The following ADCY5 variants were observed in gnomAD, a reference collection of about 807,000 sequenced individuals.
ADCY5 encodes the protein adenylate cyclase type 5.
In ADCY5, 30 loss-of-function variants were observed where a neutral mutation model predicts 119.7. The ratio of observed to expected loss-of-function variants is 0.25; its 90% CI spans 0.19 to 0.34. The LOEUF (loss-of-function observed/expected upper bound fraction) is 0.34, where lower values mean the gene tolerates loss of function less well. Ranked by LOEUF, ADCY5 falls within the 10% of genes least tolerant of loss-of-function variation. The pLI is 1.00. For missense variants in ADCY5, 1,324 were observed against 1,775.2 expected, an observed-to-expected ratio of 0.75 and a Z score of 4.57; for synonymous variants, 753 against 762.2, an observed-to-expected ratio of 0.99 and a Z score of 0.20.
At chr3:123,357,340 C>G (rs1027627168) in intron 1 of ADCY5, among the ~76,000 whole-genome samples, 7 of 151,888 alleles carry the variant, frequency 4.6e-5, no homozygotes, top group Admixed American at 6.6e-5. Flanking sequence ...CTTTCTGAGG[C>G]CAGAAAGAGA....
chr3:123,322,528 G>A (rs1941272815), intron 8 of ADCY5, among the ~76,000 whole-genome samples: 1 of 152,118 alleles, frequency 6.6e-6, no homozygotes. Flanking sequence ...ACAAACCATG[G>A]CAGGGGGGCC....
intron 1 of ADCY5, chr3:123,416,158 AGGCCTGAGGT>A: frequency 6.5e-7 from 1 of 1,535,872 alleles, no homozygotes; most frequent in Non-Finnish European, 8.7e-7. Context: ...GTAGTGTGGG[AGGCCTGAGGT>A]GGCCATGACA....
At position 123,448,499 on chromosome 3, in the gene ADCY5, T is replaced by G; in HGVS notation, c.47A>C (p.Lys16Thr). ...TCCCCGGGGCGCCGGCGCCGCAGTC[T>G]TCTGCGCCGCGTAGCCCGGGGGGCT... ...SVSPPGYAAQ[K>T]TAAPAPRGGP... The change falls in exon 1 of 21, where the codon AAG becomes ACG. Residue 16 changes from lysine to threonine, a missense_variant. Around this residue, in one of 6 missense-constraint regions of ADCY5, gnomAD observed 585 missense variants for 569.9 expected, o/e 1.03. Coordinates refer to ENST00000462833, the MANE Select transcript of ADCY5 (RefSeq NM_183357.3). 1 of 1,272,188 alleles carries G rather than the reference T, an allele frequency of 7.9e-7. No individual in the cohort carries two copies. The highest frequency in any genetic ancestry group is 2.7e-5 in the South Asian group (1 of 37,406). The allele number at this position is 1,272,188 out of a possible 1,614,324, so 78.8% of individuals were successfully genotyped here. A position where few individuals can be genotyped will look rare whatever the true frequency, so the allele number is the denominator to read the frequency against.
chr3:123,297,581 T>C lies in ADCY5; in HGVS notation c.2901-199A>G, dbSNP rs534401320. The stretch of plus-strand genomic sequence containing the variant: ...AAGCCCAGCCCCAACTAGCATTGGA[T>C]ACTCATGACCACAAACCACCCAGCT... On this transcript the variant is annotated intron_variant, in intron 15 of 20. Transcript: ENST00000462833. Among the ~76,000 whole-genome samples the C allele has an allele frequency of 7.2e-5, 11 of 152,330 alleles. No homozygotes were observed. In the East Asian group the frequency reaches 2.1e-3, roughly 29 times the overall value.
intron 3 of ADCY5, among the ~76,000 whole-genome samples, chr3:123,336,975 T>C (rs544124033): frequency 2.0e-5 from 3 of 152,254 alleles, no homozygotes; most frequent in East Asian, 3.9e-4. Context: ...CTGCTGTTGA[T>C]TGTCTTTTTC....
intron 4 of ADCY5, among the ~76,000 whole-genome samples, chr3:123,331,914 G>A (rs148621166): frequency 3.9e-5 from 6 of 152,268 alleles, no homozygotes; most frequent in East Asian, 1.9e-4. Context: ...CCGGCCTGGC[G>A]TCCTGTGTGG....
In ADCY5 at chr3:123,318,057, G is replaced by A; in HGVS notation, c.2317C>T (p.Leu773Phe). 6.2e-7 allele frequency: 1 copy of A among 1,613,950 alleles called. No homozygotes were observed. The highest frequency in any genetic ancestry group is 8.5e-7 in the Non-Finnish European group (1 of 1,179,966). ...AYVACASLVF[L>F]FICFVQITIV... ...GTGATCTGGACAAAGCAGATGAAGA[G>A]GAAGACGAGCGAGGCACACGCCACA... is the stretch of plus-strand genomic sequence containing the variant. The change falls in exon 11 of 21, where the codon CTC becomes TTC. Residue 773 changes from leucine to phenylalanine, a missense_variant. This residue lies in a region of ADCY5 where 424 missense variants were observed against 546.8 expected (regional missense o/e 0.78). Coordinates refer to ENST00000462833, the MANE Select transcript of ADCY5 (RefSeq NM_183357.3).
intron 17 of ADCY5, 77 bp downstream of exon 17, chr3:123,296,007 C>T (rs1939476897): frequency 4.4e-6 from 7 of 1,575,844 alleles, no homozygotes; most frequent in Non-Finnish European, 5.2e-6. Flanking sequence ...TTGGCCTGGC[C>T]CAGCAGACGA....
At chr3:123,344,559 T>C (rs1355905496) in intron 3 of ADCY5, among the ~76,000 whole-genome samples, 5 of 152,170 alleles carry the variant, frequency 3.3e-5, no homozygotes, top group African/African-American at 9.7e-5. Context: ...GCTCAATGCT[T>C]GTAACTTGTC....
chr3:123,322,167 G>A (rs927974233), intron 8 of ADCY5, among the ~76,000 whole-genome samples: 1 of 152,352 alleles, frequency 6.6e-6, no homozygotes, highest in East Asian at 1.9e-4. Flanking sequence ...CAGAGAGCTG[G>A]ACAGGCGAGC....
Position 123,426,307 on chromosome 3 carries a change from T to TTG in ADCY5, c.1134+21104_1134+21105insCA, listed in dbSNP as rs1553748976. 3.7e-3 allele frequency among the ~76,000 whole-genome samples: 36 copies of TTG among 9,696 alleles called. 1 individual carries two copies. Among genetic ancestry groups the TTG allele is most frequent in the South Asian group, 0.015 (1 of 68 alleles). The allele number at this position is 9,696 out of a possible 152,430, so 6.4% of individuals were successfully genotyped here. A position where few individuals can be genotyped will look rare whatever the true frequency, so the allele number is the denominator to read the frequency against. On this transcript the variant is annotated intron_variant, in intron 1 of 20. Transcript: ENST00000462833. ...TTTTTCTTTTCTTTTGTGTTTTTTT[T>TTG]TTGTTTGTTTTTGTTTGTTTGTTTG... is the stretch of plus-strand genomic sequence containing the variant.
chr3:123,407,983 G>T (rs747942740), intron 1 of ADCY5, among the ~76,000 whole-genome samples: 1 of 151,910 alleles, frequency 6.6e-6, no homozygotes, highest in Non-Finnish European at 1.5e-5. Context: ...ATAGACAGAG[G>T]TGGAAAATTG....
intron 1 of ADCY5, among the ~76,000 whole-genome samples, chr3:123,421,691 C>T (rs2107637527): frequency 6.6e-6 from 1 of 152,290 alleles, no homozygotes; most frequent in East Asian, 1.9e-4. Context: ...ACAGATGGAG[C>T]CCACTGCCTT....
intron 5 of ADCY5, among the ~76,000 whole-genome samples, chr3:123,330,407 G>A (rs1157996240): frequency 2.0e-5 from 3 of 152,352 alleles, no homozygotes; most frequent in East Asian, 3.9e-4. Context: ...CACAGGCAGG[G>A]TGATTCTCTC....
chr3:123,398,241 A>C (rs1384069146), intron 1 of ADCY5, among the ~76,000 whole-genome samples: 1 of 151,904 alleles, frequency 6.6e-6, no homozygotes, highest in Non-Finnish European at 1.5e-5. Context: ...CCCCCCTGCC[A>C]AAACCAAGTG....
intron 2 of ADCY5, 90 bp from the exon 3 acceptor site, chr3:123,347,993 C>T (rs1942636856): frequency 1.3e-6 from 2 of 1,483,452 alleles, no homozygotes; most frequent in Non-Finnish European, 9.2e-7. Flanking sequence ...TGCCTGAGGG[C>T]CCTGGAAAAC....
At chr3:123,322,266 T>G (rs537081361) in intron 8 of ADCY5, among the ~76,000 whole-genome samples, 11 of 152,320 alleles carry the variant, frequency 7.2e-5, no homozygotes, top group African/African-American at 2.6e-4. Context: ...CGAGAAGAAC[T>G]GAGCTATATT....
intron 1 of ADCY5, among the ~76,000 whole-genome samples, chr3:123,377,489 G>A (rs1345529319): frequency 6.6e-6 from 1 of 152,092 alleles, no homozygotes; most frequent in African/African-American, 2.4e-5. Context: ...CCCCACAACA[G>A]CCATCATAGG....
At chr3:123,299,554 C>T (rs904946309) in intron 15 of ADCY5, among the ~76,000 whole-genome samples, 3 of 152,188 alleles carry the variant, frequency 2.0e-5, no homozygotes, top group Non-Finnish European at 2.9e-5. Context: ...GACTGTGGGA[C>T]CAGACAGCCA....
Sources: gnomAD v4.1 joint callset for allele counts (sites outside exome capture counted in the v4.1 genomes callset) on GRCh38, gnomAD v4.1.1 for gene constraint, gnomAD v4.1.1 regional missense constraint, MANE v1.5 for transcripts, NCBI Gene and HGNC (gene_info 2026-07-23, HGNC 2026-07-21) for gene names.